PLIN3: variants seen among roughly 807,000 people sequenced by gnomAD.
The protein encoded by PLIN3 is perilipin-3.
Under a neutral mutation model 35.9 loss-of-function variants are expected in PLIN3, and 30 were observed. The ratio of observed to expected loss-of-function variants is 0.84; its 90% CI spans 0.62 to 1.13. The LOEUF is 1.13. Ranked by LOEUF, PLIN3 falls within the 50% of genes most tolerant of loss-of-function variation. The pLI, the probability that PLIN3 is intolerant of heterozygous loss-of-function variation, is 0.00. For missense variants in PLIN3, 603 were observed against 596.9 expected (o/e 1.01, Z -0.11); for synonymous variants, 261 against 262.5 (o/e 0.99, Z 0.06).
rs1421997908 is a variant in PLIN3 at position 4,847,740 on chromosome 19, T to C, written c.785A>G (p.Lys262Arg). ...CAGCAGAGCCTCCTGTGCCCTCTGC[T>C]TGGTGGCTCGAAGCTTGCCCAGCGA... ...EHSLGKLRAT[K>R]QRAQEALLQL... is the part of the protein sequence containing the mutation. The change falls in exon 6 of 8, where the codon AAG becomes AGG. Residue 262 changes from lysine to arginine, a missense_variant. Coordinates refer to ENST00000221957, the MANE Select transcript of PLIN3 (RefSeq NM_005817.5). The C allele has an allele frequency of 6.2e-7, 1 of 1,611,922 alleles. No homozygotes were observed. Among genetic ancestry groups the C allele is most frequent in the Non-Finnish European group, 8.5e-7 (1 of 1,179,386 alleles).
intron 7 of PLIN3, among the ~76,000 whole-genome samples, chr19:4,841,904 C>CAAAAAAAAA (rs111932271): frequency 5.2e-5 from 2 of 38,630 alleles, no homozygotes; most frequent in African/African-American, 1.3e-4. Flanking sequence ...GACTCCATCT[C>CAAAAAAAAA]AAAAAAAAAA....
intron 1 of PLIN3, among the ~76,000 whole-genome samples, chr19:4,862,367 C>T (rs1481261397): frequency 6.6e-6 from 1 of 151,308 alleles, no homozygotes; most frequent in Non-Finnish European, 1.5e-5. Flanking sequence ...CTCCTGACCT[C>T]GTGATCCGCC....
chr19:4,858,866 T>C (rs2030570155), intron 4 of PLIN3, among the ~76,000 whole-genome samples: 2 of 151,678 alleles, frequency 1.3e-5, no homozygotes, highest in Admixed American at 6.6e-5. Flanking sequence ...CACACCCAGA[T>C]AAATTTTGTA....
intron 7 of PLIN3, 78 bp downstream of exon 7, chr19:4,844,590 G>T: frequency 7.1e-7 from 1 of 1,399,012 alleles, no homozygotes; most frequent in Non-Finnish European, 9.5e-7. Flanking sequence ...AAGCAGGTAG[G>T]CCCATGAAGC....
In PLIN3 at chr19:4,840,112, C is replaced by T. The variant is rs150265962; in HGVS notation, c.961-576G>A. Reference sequence around the variant, plus strand: ...CCTCCCGAATAGCTAGGACTACAGGCGCGTGCCACCACGCCCGTCTAACTT... The same window carrying T: ...CCTCCCGAATAGCTAGGACTACAGGTGCGTGCCACCACGCCCGTCTAACTT... On this transcript the variant is annotated intron_variant, in intron 7 of 7. Transcript: ENST00000221957. Among the ~76,000 whole-genome samples, 5 of 151,856 alleles carry T rather than the reference C, an allele frequency of 3.3e-5. No homozygotes were observed. In the East Asian group the frequency reaches 7.7e-4, roughly 23 times the overall value.
intron 4 of PLIN3, among the ~76,000 whole-genome samples, chr19:4,858,591 C>A (rs2146212150): frequency 6.6e-6 from 1 of 151,142 alleles, no homozygotes; most frequent in African/African-American, 2.4e-5. Flanking sequence ...ACTGTGTTTG[C>A]CAGGATGGTC....
intron 6 of PLIN3, among the ~76,000 whole-genome samples, chr19:4,846,752 G>A (rs1214878759): frequency 1.3e-5 from 2 of 152,030 alleles, no homozygotes; most frequent in Admixed American, 6.6e-5. Flanking sequence ...GGACGACCAC[G>A]TGAATACACA....
chr19:4,860,795 A>G (rs1246296267), intron 2 of PLIN3, among the ~76,000 whole-genome samples: 1 of 151,732 alleles, frequency 6.6e-6, no homozygotes. Flanking sequence ...ACATGGTGAA[A>G]CTCCGTCTCT....
At position 4,848,792 on chromosome 19, in the gene PLIN3, G is replaced by C. The variant is rs140307542; in HGVS notation, c.635-902C>G. 6.1e-3 allele frequency among the ~76,000 whole-genome samples: 927 copies of C among 152,128 alleles called. 3 individuals carry two copies. The highest frequency in any genetic ancestry group is 0.01 in the Middle Eastern group (3 of 294). ...TGAGGCAGGAGAATCGCTTGAACCC[G>C]GGAGGTGGAGGCTGCAGTGAGCCAA... On this transcript the variant is annotated intron_variant, in intron 5 of 7. Coordinates refer to ENST00000221957, the MANE Select transcript of PLIN3 (RefSeq NM_005817.5).
intron 7 of PLIN3, among the ~76,000 whole-genome samples, chr19:4,844,242 T>C (rs577866168): frequency 2.4e-4 from 36 of 152,126 alleles, no homozygotes; most frequent in Middle Eastern, 6.8e-3. Flanking sequence ...GCAGGGCGGA[T>C]CACTTGAGGT....
intron 2 of PLIN3, among the ~76,000 whole-genome samples, chr19:4,860,626 A>T (rs1447101629): frequency 6.6e-6 from 1 of 152,202 alleles, no homozygotes; most frequent in Non-Finnish European, 1.5e-5. Context: ...CGGGGGCTGT[A>T]GACCACAGCC....
rs2292149 is a variant in PLIN3 at position 4,859,876 on chromosome 19, G to A, written c.215C>T (p.Ala72Val). 3.1e-5 allele frequency: 50 copies of A among 1,613,392 alleles called. No individual in the cohort carries two copies. Among genetic ancestry groups the A allele is most frequent in the South Asian group, 9.9e-5 (9 of 91,044 alleles). Reference sequence around the variant, plus strand: ...CGGCTGAGCCCCGCTGACAGCAGCCGCCGTGAGGGTCCTCACTCCCTTCTC... The same window carrying A: ...CGGCTGAGCCCCGCTGACAGCAGCCACCGTGAGGGTCCTCACTCCCTTCTC... ...AAEKGVRTLT[A>V]AAVSGAQPIL... The change falls in exon 3 of 8, where the codon GCG becomes GTG. Residue 72 changes from alanine (A) to valine (V), a missense_variant. Coordinates refer to ENST00000221957, the MANE Select transcript of PLIN3 (RefSeq NM_005817.5).
chr19:4,847,235 G>C (rs2030131183), intron 6 of PLIN3, among the ~76,000 whole-genome samples: 1 of 150,528 alleles, frequency 6.6e-6, no homozygotes, highest in Non-Finnish European at 1.5e-5. Context: ...TGTTGACTAG[G>C]CTGCAGTGCA....
chr19:4,843,933 C>A (rs1275801239), intron 7 of PLIN3, among the ~76,000 whole-genome samples: 2 of 152,202 alleles, frequency 1.3e-5, no homozygotes, highest in Non-Finnish European at 2.9e-5. Context: ...TTAATACATT[C>A]ACAAGGTTGG....
rs775880150 is a variant in PLIN3, at chr19:4,847,888, G to A, written c.637C>T (p.Arg213Cys). 1.1e-5 allele frequency: 17 copies of A among 1,612,158 alleles called. No homozygotes were observed. The highest frequency in any genetic ancestry group is 7.7e-5 in the South Asian group (7 of 90,810). ...HLPLTDAELARIATSLDGFDV... is the reference protein window; with the variant it reads ...HLPLTDAELACIATSLDGFDV... ...AAGCCATCCAGGGATGTGGCGATGC[G>A]GGCTGCAAGGAAAAGGAGAAGGGTC... The change falls in exon 6 of 8, where the codon CGC becomes TGC. Residue 213 changes from arginine to cysteine, a missense_variant and splice_region_variant. By Grantham distance (180) the Arg-to-Cys change is radical (BLOSUM62 -3). Transcript: ENST00000221957.
intron 2 of PLIN3, among the ~76,000 whole-genome samples, chr19:4,861,064 G>A (rs572645683): frequency 2.4e-4 from 37 of 152,326 alleles, no homozygotes; most frequent in Admixed American, 2.3e-3. Flanking sequence ...CTTCAGAGGT[G>A]AGGATGATTT....
chr19:4,858,891 G>A (rs1181230561), intron 4 of PLIN3, among the ~76,000 whole-genome samples: 3 of 150,694 alleles, frequency 2.0e-5, no homozygotes, highest in African/African-American at 7.3e-5. Context: ...TAGTAGAGAC[G>A]GGGTTTCTCC....
intron 4 of PLIN3, among the ~76,000 whole-genome samples, chr19:4,856,069 A>G (rs1417423627): frequency 6.6e-6 from 1 of 152,100 alleles, no homozygotes; most frequent in Non-Finnish European, 1.5e-5. Flanking sequence ...TAGCAAGTGG[A>G]TGAATAAGCT....
At chr19:4,845,906 A>C (rs1452573966) in intron 6 of PLIN3, among the ~76,000 whole-genome samples, 3 of 136,578 alleles carry the variant, frequency 2.2e-5, no homozygotes, top group Non-Finnish European at 3.1e-5. Flanking sequence ...AGCCTGGGTG[A>C]CAGAGCGAGA....
Sources: gnomAD v4.1 joint callset for allele counts (sites outside exome capture counted in the v4.1 genomes callset) on GRCh38, gnomAD v4.1.1 for gene constraint, MANE v1.5 for transcripts, NCBI Gene and HGNC (gene_info 2026-07-23, HGNC 2026-07-21) for gene names.